Variants in LRRC37A2 observed in about 807,000 individuals in gnomAD.
LRRC37A2 encodes the protein leucine-rich repeat-containing protein 37A2.
Under a neutral mutation model 68.8 loss-of-function variants are expected in LRRC37A2, and 9 were observed. That is an observed-to-expected ratio of 0.13 (90% CI 0.08 to 0.23). The LOEUF is 0.23. Among genes scored for constraint, LRRC37A2 ranks in the 10% least tolerant of loss-of-function variants. The pLI, the probability that LRRC37A2 is intolerant of heterozygous loss-of-function variation, is 1.00. For missense variants in LRRC37A2, 168 were observed against 950.4 expected (o/e 0.18, Z 10.82); for synonymous variants, 63 against 367.6 (o/e 0.17, Z 9.48).
chr17:46,811,802 C>G, the LRRC37A2 span, among the ~76,000 whole-genome samples: 1 of 152,078 alleles, frequency 6.6e-6, no homozygotes, highest in Non-Finnish European at 1.5e-5. Flanking sequence ...CTAAAAAATT[C>G]AAATATTAGC....
At chr17:46,657,400 G>C in the LRRC37A2 span, among the ~76,000 whole-genome samples, 1 of 152,228 alleles carries the variant, frequency 6.6e-6, no homozygotes, top group Non-Finnish European at 1.5e-5. Flanking sequence ...AAGGTTTCAA[G>C]AGACTTGGAG....
the LRRC37A2 span, among the ~76,000 whole-genome samples, chr17:47,001,882 C>T: frequency 1.3e-5 from 2 of 151,832 alleles, no homozygotes; most frequent in African/African-American, 4.8e-5. Flanking sequence ...CCACCACGCC[C>T]AGCTAATTTG....
the LRRC37A2 span, chr17:46,935,212 AG>A: frequency 1.2e-6 from 2 of 1,612,484 alleles, no homozygotes; most frequent in Non-Finnish European, 1.7e-6. Flanking sequence ...CTCTTGTTTT[AG>A]CCTCATCCAA....
At chr17:46,847,631 T>C in the LRRC37A2 span, among the ~76,000 whole-genome samples, 1 of 152,138 alleles carries the variant, frequency 6.6e-6, no homozygotes, top group Non-Finnish European at 1.5e-5. Context: ...CCAGCCCTCC[T>C]GGGCAGCTGT....
the LRRC37A2 span, among the ~76,000 whole-genome samples, chr17:46,888,916 A>G: frequency 1.3e-5 from 2 of 152,170 alleles, no homozygotes; most frequent in South Asian, 2.1e-4. Context: ...CATTTTACAG[A>G]TGAAGAAACT....
chr17:46,874,433 C>T, the LRRC37A2 span, among the ~76,000 whole-genome samples: 62 of 152,270 alleles, frequency 4.1e-4, no homozygotes, highest in Non-Finnish European at 7.5e-4. Context: ...ACTGTGCCTA[C>T]GCCAGGTGTC....
the LRRC37A2 span, among the ~76,000 whole-genome samples, chr17:46,907,801 A>G: frequency 6.6e-6 from 1 of 151,008 alleles, no homozygotes; most frequent in Non-Finnish European, 1.5e-5. Context: ...GGTTGCAGTG[A>G]GCCATGATCG....
chr17:46,893,224 G>T, the LRRC37A2 span, among the ~76,000 whole-genome samples: 2 of 152,152 alleles, frequency 1.3e-5, no homozygotes, highest in Admixed American at 1.3e-4. Context: ...ATGAGCCACC[G>T]CGCTTGGCTA....
chr17:46,823,741 C>T, the LRRC37A2 span, among the ~76,000 whole-genome samples: 22 of 151,936 alleles, frequency 1.4e-4, no homozygotes, highest in East Asian at 3.7e-3. Flanking sequence ...TGCCTGGCCT[C>T]CCCAGAGCAT....
the LRRC37A2 span, among the ~76,000 whole-genome samples, chr17:46,924,800 T>C: frequency 6.6e-6 from 1 of 152,180 alleles, no homozygotes; most frequent in Admixed American, 6.5e-5. Flanking sequence ...GAAACGAAAT[T>C]ATGTTCATGT....
chr17:46,876,822 A>C, the LRRC37A2 span: 3 of 1,441,138 alleles, frequency 2.1e-6, no homozygotes, highest in Non-Finnish European at 2.7e-6. Context: ...ATGCATGCAT[A>C]AACCGGCATG....
At chr17:46,818,013 C>G in the LRRC37A2 span, among the ~76,000 whole-genome samples, 11 of 152,164 alleles carry the variant, frequency 7.2e-5, no homozygotes, top group African/African-American at 2.2e-4. Context: ...AGCCCTGAAG[C>G]CTTTGGGGTC....
the LRRC37A2 span, among the ~76,000 whole-genome samples, chr17:46,817,288 C>T: frequency 1.3e-5 from 2 of 152,224 alleles, no homozygotes; most frequent in Non-Finnish European, 2.9e-5. Flanking sequence ...GGTACCGCAC[C>T]GTGGTGGCAC....
the LRRC37A2 span, among the ~76,000 whole-genome samples, chr17:46,575,281 A>G: frequency 7.3e-5 from 10 of 137,412 alleles, no homozygotes; most frequent in African/African-American, 2.6e-4. Context: ...TCTCTTAACA[A>G]GCCGGTAAAA....
chr17:46,911,707 A>G, the LRRC37A2 span, among the ~76,000 whole-genome samples: 1 of 151,748 alleles, frequency 6.6e-6, no homozygotes. Context: ...ACATGGTAAA[A>G]CCCCGTCTCA....
At chr17:46,493,158 TC>T in the LRRC37A2 span, among the ~76,000 whole-genome samples, 2 of 53,956 alleles carry the variant, frequency 3.7e-5, no homozygotes, top group East Asian at 5.1e-4. Flanking sequence ...AATACTAAAA[TC>T]TTTTTTTTTT....
At chr17:46,817,937 A>G in the LRRC37A2 span, among the ~76,000 whole-genome samples, 2 of 152,220 alleles carry the variant, frequency 1.3e-5, no homozygotes, top group South Asian at 4.2e-4. Flanking sequence ...CAGAGGCTCA[A>G]GATGAATCTA....
At chr17:47,019,934 T>A in the LRRC37A2 span, 2 of 695,802 alleles carry the variant, frequency 2.9e-6, no homozygotes, top group Non-Finnish European at 5.1e-6. Flanking sequence ...CCTTTGCTTG[T>A]CAACTCTCCC....
At chr17:46,768,389 G>A in the LRRC37A2 span, 2 of 1,613,950 alleles carry the variant, frequency 1.2e-6, no homozygotes, top group South Asian at 2.2e-5. The surrounding 1 kb of genome is among the most constrained non-coding windows in gnomAD (Gnocchi z 5.0). Flanking sequence ...ACCAGTGGAA[G>A]ATGCAGTGGC....
Sources: gnomAD v4.1 joint callset for allele counts (sites outside exome capture counted in the v4.1 genomes callset) on GRCh38, gnomAD v4.1.1 for gene constraint, Gnocchi (gnomAD v3.1) non-coding constraint, MANE v1.5 for transcripts, NCBI Gene and HGNC (gene_info 2026-07-23, HGNC 2026-07-21) for gene names.